NCKAP1: variants seen among roughly 807,000 people sequenced by gnomAD.
NCKAP1 encodes NCK associated protein 1, also known as nck-associated protein 1.
In NCKAP1, 21 loss-of-function variants were observed where a neutral mutation model predicts 151.2. The ratio of observed to expected loss-of-function variants is 0.14; its 90% CI spans 0.10 to 0.20. The LOEUF (loss-of-function observed/expected upper bound fraction) is 0.20. Ranked by LOEUF, NCKAP1 falls within the 10% of genes least tolerant of loss-of-function variation. NCKAP1 has a pLI of 1.00. For missense variants in NCKAP1, 933 were observed against 1,352.1 expected (o/e 0.69, Z 4.86); for synonymous variants, 484 against 451.8 (o/e 1.07, Z -0.90).
At chr2:182,964,588 A>G in intron 17 of NCKAP1, 88 bp downstream of exon 17, 1 of 1,179,548 alleles carries the variant, frequency 8.5e-7, no homozygotes, top group Non-Finnish European at 1.1e-6. Flanking sequence ...TAAGTTAGCT[A>G]ATTATGACTG....
chr2:182,972,612 C>T lies in NCKAP1; in HGVS notation c.1482+4281G>A, dbSNP rs1476238776. ...AACATACTGAAGAAGTATTTGCACT[C>T]CCATGTTTATTGCAGCAATATTCAC... On this transcript the variant is annotated intron_variant, in intron 15 of 30. Coordinates refer to ENST00000361354, the MANE Select transcript of NCKAP1 (RefSeq NM_013436.5). Among the ~76,000 whole-genome samples, 3 of 152,148 alleles carry T rather than the reference C, an allele frequency of 2.0e-5. No homozygotes were observed. In the East Asian group the frequency reaches 5.8e-4, roughly 29 times the overall value.
At chr2:182,982,638 G>C (rs555650221) in intron 12 of NCKAP1, among the ~76,000 whole-genome samples, 183 bp downstream of exon 12, 1 of 152,290 alleles carries the variant, frequency 6.6e-6, no homozygotes, top group African/African-American at 2.4e-5. Context: ...GCTAATAAAA[G>C]AGTTCTGAGC....
At position 182,918,729 on chromosome 2, in the gene NCKAP1, G is replaced by A. The variant is rs907387109; in HGVS notation, c.*6973C>T. ...CTAGGGATAAAAAACTACACATTGG[G>A]TACAATGCATACTACCTGGGTGACA... is the stretch of plus-strand genomic sequence containing the variant. On this transcript the variant is annotated 3_prime_UTR_variant, in exon 31 of 31. Coordinates refer to ENST00000361354, the MANE Select transcript of NCKAP1 (RefSeq NM_013436.5). The A allele has an allele frequency of 6.6e-6, 1 of 152,166 alleles. No individual in the cohort carries two copies. The highest frequency in any genetic ancestry group is 2.4e-5 in the African/African-American group (1 of 41,414). The allele number at this position is 152,166 out of a possible 1,614,324, so 9.4% of individuals were successfully genotyped here. A position where few individuals can be genotyped will look rare whatever the true frequency, so the allele number is the denominator to read the frequency against.
In NCKAP1 at chr2:182,956,596, G is replaced by A; in HGVS notation, c.2022-3C>T. The A allele has an allele frequency of 6.3e-7, 1 of 1,591,058 alleles. No individual in the cohort carries two copies. The highest frequency in any genetic ancestry group is 8.5e-7 in the Non-Finnish European group (1 of 1,172,390). On this transcript the variant is annotated splice_region_variant and splice_polypyrimidine_tract_variant and intron_variant, in intron 19 of 30. Transcript: ENST00000361354. ...GTGCAGTGTGCAATTTATCAAGGCT[G>A]AAAAAAATTAATAAACAGTTAAAAT...
At chr2:182,954,362 C>G (rs189791732) in intron 20 of NCKAP1, among the ~76,000 whole-genome samples, 4 of 152,236 alleles carry the variant, frequency 2.6e-5, no homozygotes, top group Admixed American at 2.6e-4. Flanking sequence ...ACTGACCACC[C>G]CTATTTCACT....
At position 182,989,184 on chromosome 2, in the gene NCKAP1, C is replaced by A; in HGVS notation, c.793G>T (p.Gly265Cys). 3 of 1,579,192 alleles carry A rather than the reference C, an allele frequency of 1.9e-6. No individual in the cohort carries two copies. The highest frequency in any genetic ancestry group is 2.0e-5 in the Admixed American group (1 of 50,336). The change falls in exon 9 of 31, where the codon GGC (glycine) becomes TGC (cysteine). Residue 265 changes from glycine to cysteine, a missense_variant and splice_region_variant. Gly to Cys is a radical substitution (Grantham distance 159). Coordinates refer to ENST00000361354, the MANE Select transcript of NCKAP1 (RefSeq NM_013436.5). ...AGGATCCCATGGCACAAAATAAAGC[C>A]AACTTTAAATAAAAAGAAAGCAAAT... is the stretch of plus-strand genomic sequence containing the variant. ...LDAMEKWIIF[G>C]FILCHGILNT...
chr2:182,942,023 G>T, intron 24 of NCKAP1, 47 bp downstream of exon 24: 1 of 1,454,836 alleles, frequency 6.9e-7, no homozygotes, highest in South Asian at 1.2e-5. Context: ...TAAATACTGA[G>T]TATCAAGATC....
At chr2:182,999,112 C>G (rs6711232) in intron 6 of NCKAP1, among the ~76,000 whole-genome samples, 3 of 151,982 alleles carry the variant, frequency 2.0e-5, no homozygotes, top group African/African-American at 7.2e-5. Flanking sequence ...CTATTCCAAT[C>G]AAATTACTGT....
Position 182,917,495 on chromosome 2 carries a change from G to A in NCKAP1, c.*8207C>T, listed in dbSNP as rs769841908. 1.3e-5 allele frequency: 2 copies of A among 152,144 alleles called. No individual in the cohort carries two copies. The highest frequency in any genetic ancestry group is 2.9e-5 in the Non-Finnish European group (2 of 68,032). The allele number at this position is 152,144 out of a possible 1,614,324, so 9.4% of individuals were successfully genotyped here. On this transcript the variant is annotated 3_prime_UTR_variant, in exon 31 of 31. Transcript: ENST00000361354. ...CTCTAAGGCTCTTCCAGCTACAAAT[G>A]ACTAAAATGCTCCATCATTACAATC...
At chr2:182,977,102 C>T in intron 14 of NCKAP1, 151 bp from the exon 15 acceptor site, 1 of 444,148 alleles carries the variant, frequency 2.3e-6, no homozygotes, top group Non-Finnish European at 4.0e-6. Context: ...TATATGTACA[C>T]CCATGTTCAC....
At chr2:182,943,360 T>C (rs1055983788) in intron 23 of NCKAP1, among the ~76,000 whole-genome samples, 3 of 152,178 alleles carry the variant, frequency 2.0e-5, no homozygotes, top group Non-Finnish European at 2.9e-5. Context: ...TTTGTTTAGG[T>C]TGCTTGATGT....
intron 2 of NCKAP1, among the ~76,000 whole-genome samples, chr2:183,019,863 T>C (rs1167633651): frequency 6.6e-6 from 1 of 151,978 alleles, no homozygotes; most frequent in Non-Finnish European, 1.5e-5. Context: ...GAATCGGAAA[T>C]ATAAAACTTG....
At chr2:183,016,202 C>T (rs770410377) in intron 2 of NCKAP1, among the ~76,000 whole-genome samples, 1 of 152,102 alleles carries the variant, frequency 6.6e-6, no homozygotes, top group Non-Finnish European at 1.5e-5. Context: ...CTGGACTATT[C>T]ATTATCATGT....
intron 23 of NCKAP1, among the ~76,000 whole-genome samples, chr2:182,943,593 A>G (rs1348808266): frequency 6.6e-6 from 1 of 152,124 alleles, no homozygotes; most frequent in African/African-American, 2.4e-5. Context: ...ATATCAGTGA[A>G]TCAACACCAT....
intron 2 of NCKAP1, among the ~76,000 whole-genome samples, chr2:183,013,567 C>G (rs1406957610): frequency 2.6e-5 from 4 of 152,192 alleles, no homozygotes; most frequent in Non-Finnish European, 4.4e-5. Context: ...CAGCTCTCAT[C>G]TCAATGATGG....
intron 15 of NCKAP1, among the ~76,000 whole-genome samples, chr2:182,973,697 C>G (rs1281231258): frequency 6.6e-6 from 1 of 152,150 alleles, no homozygotes; most frequent in Non-Finnish European, 1.5e-5. Flanking sequence ...CCTAACAATT[C>G]TTGCACTTCT....
At chr2:183,007,705 T>C (rs1698505235) in intron 2 of NCKAP1, among the ~76,000 whole-genome samples, 1 of 152,148 alleles carries the variant, frequency 6.6e-6, no homozygotes, top group Admixed American at 6.5e-5. Context: ...AAGGAATGCT[T>C]TGTTCAAATT....
At position 183,023,858 on chromosome 2, in the gene NCKAP1, G is replaced by A; in HGVS notation, c.167C>T (p.Ala56Val). Residue 56 changes from alanine (A) to valine (V), a missense_variant, in exon 2 of 31, where the codon GCT becomes GTT. This residue lies in a region of NCKAP1 where 607 missense variants were observed against 795.0 expected (regional missense o/e 0.76). Transcript: ENST00000361354. ...GAATTTTCTGACTATGAATTTCACA[G>A]CAGATTCCAGGTTTTTGTCGATAAG... is the stretch of plus-strand genomic sequence containing the variant. Reference protein sequence around the residue: ...SYLIDKNLESAVKFIVRKFPA... With the variant: ...SYLIDKNLESVVKFIVRKFPA... The A allele has an allele frequency of 1.2e-6, 2 of 1,613,376 alleles. No homozygotes were observed. Among genetic ancestry groups the A allele is most frequent in the East Asian group, 4.5e-5 (2 of 44,852 alleles).
At chr2:182,982,038 T>C (rs1259977205) in intron 12 of NCKAP1, among the ~76,000 whole-genome samples, 3 of 152,072 alleles carry the variant, frequency 2.0e-5, no homozygotes, top group African/African-American at 2.4e-5. Context: ...CTTATTTCTC[T>C]GCTCCATTTT....
Sources: gnomAD v4.1 joint callset for allele counts (sites outside exome capture counted in the v4.1 genomes callset) on GRCh38, gnomAD v4.1.1 for gene constraint, gnomAD v4.1.1 regional missense constraint, MANE v1.5 for transcripts, NCBI Gene and HGNC (gene_info 2026-07-23, HGNC 2026-07-21) for gene names.